CDH18: variants seen among roughly 807,000 people sequenced by gnomAD.
CDH18 encodes the protein cadherin-18.
Under a neutral mutation model 67.9 loss-of-function variants are expected in CDH18, and 31 were observed. The ratio of observed to expected loss-of-function variants is 0.46; its 90% CI spans 0.34 to 0.62. CDH18 has a LOEUF of 0.62. CDH18 is among the 20% of genes least tolerant of loss of function. CDH18 has a pLI of 0.01. For synonymous variants in CDH18, 362 were observed against 347.2 expected (o/e 1.04, Z -0.48); for missense variants, 890 against 975.5 (o/e 0.91, Z 1.17).
chr5:20,005,302 C>T (rs1490770790), intron 2 of CDH18, among the ~76,000 whole-genome samples: 2 of 151,912 alleles, frequency 1.3e-5, no homozygotes, highest in African/African-American at 4.8e-5. Flanking sequence ...GCATTTACTG[C>T]ATAACTTGCC....
intron 2 of CDH18, among the ~76,000 whole-genome samples, chr5:19,921,333 T>C (rs62352224): frequency 0.31 from 47,155 of 151,694 alleles, 8,449 homozygotes; most frequent in South Asian, 0.44. Flanking sequence ...AGATTGCGAC[T>C]ATCCTGGCTA....
At chr5:19,515,954 T>C (rs1226890030) in intron 10 of CDH18, among the ~76,000 whole-genome samples, 1 of 152,228 alleles carries the variant, frequency 6.6e-6, no homozygotes, top group African/African-American at 2.4e-5. Context: ...CTTCTAGTTT[T>C]TGCCCATTCA....
chr5:20,571,100 A>G (rs1758795731), intron 1 of CDH18, among the ~76,000 whole-genome samples: 2 of 151,940 alleles, frequency 1.3e-5, no homozygotes, highest in Admixed American at 1.3e-4. Flanking sequence ...TCAGTTACTC[A>G]TTTTTCTACT....
intron 1 of CDH18, among the ~76,000 whole-genome samples, chr5:20,358,870 G>T (rs1157066686): frequency 6.6e-6 from 1 of 151,008 alleles, no homozygotes; most frequent in African/African-American, 2.4e-5. Flanking sequence ...AAATATTCAA[G>T]AAATGTTTGC....
At chr5:19,588,216 G>A (rs1327118551) in intron 7 of CDH18, among the ~76,000 whole-genome samples, 8 of 151,942 alleles carry the variant, frequency 5.3e-5, no homozygotes, top group Non-Finnish European at 1.0e-4. Flanking sequence ...GAGATATAGG[G>A]TTATGTCATC....
intron 2 of CDH18, among the ~76,000 whole-genome samples, chr5:20,019,997 T>G (rs1409368906): frequency 1.3e-5 from 2 of 152,152 alleles, no homozygotes; most frequent in African/African-American, 2.4e-5. Flanking sequence ...AGGACCTTAC[T>G]AGGAACCAGA....
intron 3 of CDH18, among the ~76,000 whole-genome samples, chr5:19,774,426 T>TAAAAATAAAATAAAA (rs146014082): frequency 7.2e-5 from 10 of 139,390 alleles, no homozygotes; most frequent in Non-Finnish European, 1.2e-4. Flanking sequence ...TAAAATAAAA[T>TAAAAATAAAATAAAA]TAAAATAAAA....
At chr5:20,161,286 T>C (rs1455217807) in intron 2 of CDH18, among the ~76,000 whole-genome samples, 1 of 152,342 alleles carries the variant, frequency 6.6e-6, no homozygotes, top group East Asian at 1.9e-4. Flanking sequence ...CACATGACAC[T>C]GGCTCCTTTT....
At chr5:19,980,057 C>T (rs1283927345) in intron 2 of CDH18, among the ~76,000 whole-genome samples, 2 of 151,998 alleles carry the variant, frequency 1.3e-5, no homozygotes, top group Non-Finnish European at 2.9e-5. Flanking sequence ...CCTAGAAAAC[C>T]TTAAAGACTA....
intron 8 of CDH18, among the ~76,000 whole-genome samples, chr5:19,566,324 T>G (rs1450368083): frequency 6.6e-6 from 1 of 152,184 alleles, no homozygotes; most frequent in African/African-American, 2.4e-5. Flanking sequence ...GACAGTTTCT[T>G]AAAAGCTAAA....
In CDH18 at chr5:19,593,932, A is replaced by G. The variant is rs148169432; in HGVS notation, c.812-2688T>C. Among the ~76,000 whole-genome samples the G allele has an allele frequency of 7.2e-5, 11 of 151,766 alleles. No homozygotes were observed. In the East Asian group the frequency reaches 1.8e-3, roughly 24 times the overall value. On this transcript the variant is annotated intron_variant, in intron 6 of 12. Transcript: ENST00000382275. The stretch of plus-strand genomic sequence containing the variant: ...ATAGTCCCATTTGTCTGTTTTTGTT[A>G]TTATTGCCTGGGATTTGCAGGTCAT...
chr5:19,559,042 C>T (rs1049163729), intron 8 of CDH18, among the ~76,000 whole-genome samples: 1 of 152,082 alleles, frequency 6.6e-6, no homozygotes, highest in Non-Finnish European at 1.5e-5. Flanking sequence ...TGTAATATCT[C>T]CTGTTGCATT....
chr5:19,751,082 G>T (rs991981917), intron 3 of CDH18, among the ~76,000 whole-genome samples: 1 of 152,088 alleles, frequency 6.6e-6, no homozygotes, highest in African/African-American at 2.4e-5. Flanking sequence ...TTAATAAATT[G>T]TCACTTTCTT....
At chr5:19,611,381 T>G (rs990189150) in intron 6 of CDH18, among the ~76,000 whole-genome samples, 1 of 152,172 alleles carries the variant, frequency 6.6e-6, no homozygotes, top group Non-Finnish European at 1.5e-5. Context: ...ATTGCAAAAC[T>G]GTTCTAATTC....
intron 1 of CDH18, among the ~76,000 whole-genome samples, chr5:20,293,396 GA>G (rs2149947987): frequency 6.6e-6 from 1 of 152,180 alleles, no homozygotes; most frequent in South Asian, 2.1e-4. Flanking sequence ...GTACAGGAAA[GA>G]AAATGTCATA....
intron 1 of CDH18, among the ~76,000 whole-genome samples, chr5:20,556,906 C>T (rs958332230): frequency 7.2e-5 from 11 of 151,904 alleles, no homozygotes; most frequent in Non-Finnish European, 1.3e-4. Context: ...TTGGGAATAT[C>T]GGAAGGAGAT....
chr5:20,564,238 A>G (rs1406344744), intron 1 of CDH18, among the ~76,000 whole-genome samples: 2 of 141,006 alleles, frequency 1.4e-5, no homozygotes, highest in African/African-American at 5.1e-5. Context: ...TCCCACAATT[A>G]TTTCTTGCAT....
At chr5:19,613,304 G>C (rs1412361377) in intron 5 of CDH18, among the ~76,000 whole-genome samples, 1 of 152,066 alleles carries the variant, frequency 6.6e-6, no homozygotes, top group East Asian at 1.9e-4. Flanking sequence ...CATCTTTATA[G>C]AACAATTTAC....
At position 19,571,850 on chromosome 5, in the gene CDH18, A is replaced by C. The variant is rs750612995; in HGVS notation, c.1000-18T>G. 6.3e-7 allele frequency: 1 copy of C among 1,591,118 alleles called. No individual in the cohort carries two copies. The highest frequency in any genetic ancestry group is 8.6e-7 in the Non-Finnish European group (1 of 1,163,978). On this transcript the variant is annotated intron_variant, in intron 7 of 12. Transcript: ENST00000382275. ...TTCAGTGGCTGTGGGGAAAAAAAAT[A>C]AGATTATGACTTTTATAAAAAAAGT...
Sources: gnomAD v4.1 joint callset for allele counts (sites outside exome capture counted in the v4.1 genomes callset) on GRCh38, gnomAD v4.1.1 for gene constraint, MANE v1.5 for transcripts, NCBI Gene and HGNC (gene_info 2026-07-23, HGNC 2026-07-21) for gene names.